Variants in SH3BGRL2 observed in about 807,000 individuals in gnomAD.
The protein encoded by SH3BGRL2 is SH3 domain binding glutamate rich protein like 2.
In SH3BGRL2, 21 loss-of-function variants were observed where a neutral mutation model predicts 14.8. That is an observed-to-expected ratio of 1.42 (90% CI 1.01 to 2.05). The LOEUF (loss-of-function observed/expected upper bound fraction) is 2.05. Among genes scored for constraint, SH3BGRL2 ranks in the 30% most tolerant of loss-of-function variants. The pLI is 0.00. For synonymous variants in SH3BGRL2, 50 were observed against 47.8 expected (o/e 1.05, Z -0.19); for missense variants, 147 against 130.8 (o/e 1.12, Z -0.61).
At chr6:79,644,419 A>G (rs780992215) in intron 1 of SH3BGRL2, among the ~76,000 whole-genome samples, 9 of 152,212 alleles carry the variant, frequency 5.9e-5, no homozygotes, top group Admixed American at 3.3e-4. Context: ...GGAGTGGTCA[A>G]TGAAGCTGCT....
chr6:79,581,098 G>A, the SH3BGRL2 span, among the ~76,000 whole-genome samples: 2 of 152,106 alleles, frequency 1.3e-5, no homozygotes, highest in Non-Finnish European at 2.9e-5. Context: ...GGAAGAAGTT[G>A]AATATCTGAA....
the SH3BGRL2 span, among the ~76,000 whole-genome samples, chr6:79,577,846 T>C: frequency 6.6e-6 from 1 of 152,092 alleles, no homozygotes; most frequent in African/African-American, 2.4e-5. Context: ...GCACAAGGGG[T>C]TGCGGGATTT....
At chr6:79,587,992 A>G in the SH3BGRL2 span, among the ~76,000 whole-genome samples, 9 of 151,438 alleles carry the variant, frequency 5.9e-5, no homozygotes, top group East Asian at 3.9e-4. Context: ...CCTGGCCAAC[A>G]TGGCGAAACC....
chr6:79,646,967 T>C (rs117052649), intron 1 of SH3BGRL2, among the ~76,000 whole-genome samples: 1,720 of 152,344 alleles, frequency 0.011, 13 homozygotes, highest in Middle Eastern at 0.017. Context: ...TGCTTCTACT[T>C]TTTGGCTATG....
the SH3BGRL2 span, among the ~76,000 whole-genome samples, chr6:79,604,480 T>C: frequency 1.2e-4 from 18 of 152,326 alleles, no homozygotes; most frequent in Admixed American, 1.1e-3. Context: ...AACAGTGCCT[T>C]GACAGGAGCA....
chr6:79,694,201 A>G (rs1324482676), intron 2 of SH3BGRL2, among the ~76,000 whole-genome samples: 1 of 152,210 alleles, frequency 6.6e-6, no homozygotes, highest in Non-Finnish European at 1.5e-5. Flanking sequence ...TCGACTGAGT[A>G]GAGGCTGAAT....
chr6:79,538,146 G>A, the SH3BGRL2 span, among the ~76,000 whole-genome samples: 1 of 103,936 alleles, frequency 9.6e-6, no homozygotes, highest in Non-Finnish European at 1.8e-5. Context: ...GGGAGACAGG[G>A]AAGGTAAAAA....
chr6:79,674,835 C>T (rs1047023070), intron 2 of SH3BGRL2, among the ~76,000 whole-genome samples: 7 of 152,128 alleles, frequency 4.6e-5, no homozygotes, highest in African/African-American at 1.7e-4. Flanking sequence ...GCTGGGACAC[C>T]TTTGGAAAGT....
At chr6:79,551,399 G>A in the SH3BGRL2 span, among the ~76,000 whole-genome samples, 1 of 152,122 alleles carries the variant, frequency 6.6e-6, no homozygotes, top group Admixed American at 6.5e-5. Context: ...TTAAAGTGAG[G>A]TCCACAAACA....
At chr6:79,578,320 C>T in the SH3BGRL2 span, among the ~76,000 whole-genome samples, 1 of 152,208 alleles carries the variant, frequency 6.6e-6, no homozygotes, top group Non-Finnish European at 1.5e-5. Flanking sequence ...AGACTGCCTC[C>T]TCAAGTGGGT....
the SH3BGRL2 span, among the ~76,000 whole-genome samples, chr6:79,590,020 G>T: frequency 2.6e-5 from 4 of 152,058 alleles, no homozygotes; most frequent in Non-Finnish European, 5.9e-5. Flanking sequence ...GGATCTGCCT[G>T]CCCCAGCTTC....
At chr6:79,687,427 C>T (rs189845077) in intron 2 of SH3BGRL2, among the ~76,000 whole-genome samples, 1 of 151,930 alleles carries the variant, frequency 6.6e-6, no homozygotes, top group Non-Finnish European at 1.5e-5. Flanking sequence ...CCTGTATGGT[C>T]AGAACTATTA....
At chr6:79,590,721 G>C in the SH3BGRL2 span, among the ~76,000 whole-genome samples, 1 of 151,734 alleles carries the variant, frequency 6.6e-6, no homozygotes, top group African/African-American at 2.4e-5. Flanking sequence ...TACCTATTGG[G>C]TACTATGCTC....
Position 79,699,826 on chromosome 6 carries a change from A to C in SH3BGRL2, c.*317A>C. 1 of 356,148 alleles carries C rather than the reference A, an allele frequency of 2.8e-6. No homozygotes were observed. Among genetic ancestry groups the C allele is most frequent in the Non-Finnish European group, 5.0e-6 (1 of 200,804 alleles). The allele number at this position is 356,148 out of a possible 1,614,324, so 22.1% of individuals were successfully genotyped here. On this transcript the variant is annotated 3_prime_UTR_variant, in exon 4 of 4. Transcript: ENST00000369838. Reference sequence around the variant, plus strand: ...AAGTGGGTAGCACCGTCAGAGAGAAAATGTTGGATCTGCCCTAGGTTATAG... The same window carrying C: ...AAGTGGGTAGCACCGTCAGAGAGAACATGTTGGATCTGCCCTAGGTTATAG...
chr6:79,558,631 G>T, the SH3BGRL2 span, among the ~76,000 whole-genome samples: 5 of 152,088 alleles, frequency 3.3e-5, no homozygotes, highest in African/African-American at 1.2e-4. Flanking sequence ...TTGGGAGGCC[G>T]AGGAGGGCAG....
chr6:79,690,298 G>A (rs1462403937), intron 2 of SH3BGRL2, among the ~76,000 whole-genome samples: 1 of 152,130 alleles, frequency 6.6e-6, no homozygotes, highest in East Asian at 1.9e-4. Context: ...GACCACATAA[G>A]ATATTTTTAA....
chr6:79,560,819 G>A, the SH3BGRL2 span, among the ~76,000 whole-genome samples: 117,402 of 147,974 alleles, frequency 0.79, 46,245 homozygotes, highest in Middle Eastern at 0.9. Flanking sequence ...TTGTAGCCAT[G>A]TTTAAAAAGA....
chr6:79,682,169 C>T (rs1022095747), intron 2 of SH3BGRL2, among the ~76,000 whole-genome samples: 5 of 152,048 alleles, frequency 3.3e-5, no homozygotes, highest in African/African-American at 7.2e-5. Context: ...CTCATTTCCC[C>T]GGCACTAAAA....
At chr6:79,630,716 G>A (rs140136192), upstream of SH3BGRL2, among the ~76,000 whole-genome samples, 1,000 of 152,226 alleles carry the variant, frequency 6.6e-3, 6 homozygotes, top group Non-Finnish European at 0.012. Flanking sequence ...GTTTTGCTGA[G>A]AAAAATAAAA....
Sources: gnomAD v4.1 joint callset for allele counts (sites outside exome capture counted in the v4.1 genomes callset) on GRCh38, gnomAD v4.1.1 for gene constraint, MANE v1.5 for transcripts, NCBI Gene and HGNC (gene_info 2026-07-23, HGNC 2026-07-21) for gene names.